The following WARS2 variants were observed in gnomAD, a reference collection of about 807,000 sequenced individuals.
The protein encoded by WARS2 is tryptophanyl tRNA synthetase 2, mitochondrial.
In WARS2, 28 loss-of-function variants were observed where a neutral mutation model predicts 36.5. That is an observed-to-expected ratio of 0.77 (90% CI 0.57 to 1.05). The LOEUF (loss-of-function observed/expected upper bound fraction) is 1.05. Ranked by LOEUF, WARS2 falls within the 50% of genes least tolerant of loss-of-function variation. The pLI, the probability that WARS2 is intolerant of heterozygous loss-of-function variation, is 0.00. For missense variants in WARS2, 435 were observed against 456.8 expected, an observed-to-expected ratio of 0.95 and a Z score of 0.44; for synonymous variants, 174 against 178.4, an observed-to-expected ratio of 0.98 and a Z score of 0.20.
chr1:119,034,038 G>T (rs1647672107), intron 5 of WARS2, 57 bp downstream of exon 5: 2 of 1,495,732 alleles, frequency 1.3e-6, no homozygotes, highest in African/African-American at 2.8e-5. Context: ...CCTATCTATT[G>T]TCCAATCCTC....
At chr1:119,104,304 T>C (rs1654086102) in intron 1 of WARS2, among the ~76,000 whole-genome samples, 1 of 151,484 alleles carries the variant, frequency 6.6e-6, no homozygotes, top group Non-Finnish European at 1.5e-5. Context: ...TACAATAAAC[T>C]TTGACTGGTG....
chr1:119,100,649 G>A (rs1267009303), intron 1 of WARS2, among the ~76,000 whole-genome samples: 2 of 152,126 alleles, frequency 1.3e-5, no homozygotes, highest in African/African-American at 4.8e-5. Context: ...ACAGCAATGT[G>A]GATAGAACTG....
chr1:119,130,410 A>C (rs1656016884), intron 1 of WARS2, among the ~76,000 whole-genome samples: 2 of 152,226 alleles, frequency 1.3e-5, no homozygotes, highest in Non-Finnish European at 2.9e-5. Context: ...ATCCTAGTAT[A>C]ATTAGTGGTA....
intron 1 of WARS2, among the ~76,000 whole-genome samples, chr1:119,080,407 AG>A (rs1249361951): frequency 1.3e-5 from 2 of 152,210 alleles, no homozygotes. Context: ...GTGGGAAAAA[AG>A]TATTGTGACC....
intron 1 of WARS2, among the ~76,000 whole-genome samples, chr1:119,134,333 A>C (rs587603624): frequency 1.3e-5 from 2 of 151,136 alleles, no homozygotes; most frequent in South Asian, 2.1e-4. Flanking sequence ...AAAAAAAAAA[A>C]AAAAAAAACA....
intron 2 of WARS2, among the ~76,000 whole-genome samples, chr1:119,069,291 G>A (rs891703922): frequency 2.0e-5 from 3 of 152,028 alleles, no homozygotes; most frequent in South Asian, 2.1e-4. Flanking sequence ...ATTGTGTGAT[G>A]GGGAGGTGGG....
chr1:119,090,139 AAAG>A (rs1205009582), intron 1 of WARS2, among the ~76,000 whole-genome samples: 1 of 152,192 alleles, frequency 6.6e-6, no homozygotes, highest in Non-Finnish European at 1.5e-5. Context: ...GAAAAAAAAA[AAAG>A]AATTATAAGC....
Position 119,033,282 on chromosome 1 carries a change from C to A in WARS2, c.712G>T (p.Val238Phe). ...SKSDPDKLAT[V>F]RITDSPEEIV... The stretch of plus-strand genomic sequence containing the variant: ...TCCTCTGGGCTGTCTGTTATTCGGA[C>A]GGTGGCCAGTTTGTCAGGGTCTGAT... Residue 238 changes from valine (V) to phenylalanine (F), a missense_variant, in exon 6 of 6, where the codon GTC becomes TTC. Physicochemically the swap from Val to Phe is conservative, Grantham distance 50 (BLOSUM62 -1). Transcript: ENST00000235521. 6.2e-7 allele frequency: 1 copy of A among 1,614,226 alleles called. No homozygotes were observed. Among genetic ancestry groups the A allele is most frequent in the Non-Finnish European group, 8.5e-7 (1 of 1,180,044 alleles).
At position 119,121,192 on chromosome 1, in the gene WARS2, A is replaced by G. The variant is rs142736980; in HGVS notation, c.90+19363T>C. ...CCTAGATCTAATAAATGAATTCTGT[A>G]AAGTTTCAGATACAAAATCAATGTA... On this transcript the variant is annotated intron_variant, in intron 1 of 5. Transcript: ENST00000235521. 3.4e-3 allele frequency among the ~76,000 whole-genome samples: 518 copies of G among 152,280 alleles called. 2 individuals are homozygous for G. The highest frequency in any genetic ancestry group is 0.028 in the South Asian group (134 of 4,824).
At chr1:119,056,927 T>C (rs1454075055) in intron 2 of WARS2, among the ~76,000 whole-genome samples, 1 of 152,200 alleles carries the variant, frequency 6.6e-6, no homozygotes, top group African/African-American at 2.4e-5. Flanking sequence ...GTGGTAAGTA[T>C]ACGTTTAACT....
At chr1:119,122,242 A>G (rs1303354254) in intron 1 of WARS2, among the ~76,000 whole-genome samples, 9 of 152,214 alleles carry the variant, frequency 5.9e-5, no homozygotes, top group African/African-American at 2.2e-4. Context: ...GGACATGAAT[A>G]GACAATTCTC....
intron 2 of WARS2, among the ~76,000 whole-genome samples, chr1:119,057,455 CTTTG>C (rs951495280): frequency 1.3e-5 from 2 of 151,588 alleles, no homozygotes; most frequent in African/African-American, 2.4e-5. Flanking sequence ...CATTTGTTAC[CTTTG>C]TTTGTGAAAT....
chr1:119,078,372 C>T (rs1448315814), intron 1 of WARS2, among the ~76,000 whole-genome samples: 1 of 151,980 alleles, frequency 6.6e-6, no homozygotes, highest in East Asian at 1.9e-4. Flanking sequence ...GTAGAATTGC[C>T]GAGTCATAAG....
chr1:119,086,032 A>G, intron 1 of WARS2: 1 of 1,471,444 alleles, frequency 6.8e-7, no homozygotes, highest in South Asian at 1.2e-5. Context: ...CTAATTTTTT[A>G]AATTTCTCGT....
intron 1 of WARS2, chr1:119,126,546 G>A: frequency 1.8e-6 from 1 of 564,128 alleles, no homozygotes. Context: ...ACTTCAGACA[G>A]ATTCTTGGAC....
At chr1:119,102,051 C>T (rs1011541296) in intron 1 of WARS2, among the ~76,000 whole-genome samples, 4 of 13,816 alleles carry the variant, frequency 2.9e-4, no homozygotes, top group East Asian at 3.4e-3. Flanking sequence ...TTGTTGGAAG[C>T]GGTGGTGGCG....
At chr1:119,072,290 G>T (rs1391972291) in intron 2 of WARS2, among the ~76,000 whole-genome samples, 1 of 152,124 alleles carries the variant, frequency 6.6e-6, no homozygotes, top group African/African-American at 2.4e-5. Flanking sequence ...GCAATCCACG[G>T]GCAGTAGGTA....
chr1:119,113,316 G>GT (rs1340278135), intron 1 of WARS2, among the ~76,000 whole-genome samples: 4 of 152,076 alleles, frequency 2.6e-5, no homozygotes, highest in Non-Finnish European at 2.9e-5. Flanking sequence ...GTTGCCCCCT[G>GT]TAAGAGTCAT....
At chr1:119,135,344 G>C (rs1447283706) in intron 1 of WARS2, among the ~76,000 whole-genome samples, 1 of 152,110 alleles carries the variant, frequency 6.6e-6, no homozygotes, top group Non-Finnish European at 1.5e-5. Context: ...CAAACAAGCA[G>C]GGCTAAAAAT....
Sources: allele counts gnomAD v4.1 joint callset (sites outside exome capture counted in the v4.1 genomes callset), GRCh38; gene constraint gnomAD v4.1.1; transcripts MANE v1.5; gene names NCBI Gene and HGNC (gene_info 2026-07-23, HGNC 2026-07-21).